MAPK9: variants seen among roughly 807,000 people sequenced by gnomAD.
The protein encoded by MAPK9 is Jun kinase.
Under a neutral mutation model 57.1 loss-of-function variants are expected in MAPK9, and 30 were observed. The observed-to-expected ratio is 0.53, with a 90% CI of 0.39 to 0.71. The LOEUF (loss-of-function observed/expected upper bound fraction) is 0.71, where lower values mean the gene tolerates loss of function less well. Ranked by LOEUF, MAPK9 falls within the 30% of genes least tolerant of loss-of-function variation. The pLI, the probability that MAPK9 is intolerant of heterozygous loss-of-function variation, is 0.00. For missense variants in MAPK9, 362 were observed against 521.0 expected, an observed-to-expected ratio of 0.69 and a Z score of 2.97; for synonymous variants, 155 against 177.0, an observed-to-expected ratio of 0.88 and a Z score of 0.99.
rs559613478 is a variant in MAPK9, at chr5:180,286,639, C to T, written c.-48+5209G>A. On this transcript the variant is annotated intron_variant, in intron 1 of 11. Transcript: ENST00000452135. ...TAGGACCCTGCAAGGATCTCCGTCA[C>T]CAGCCCCACTTCCAGGCACCCAGGC... 1.5e-3 allele frequency among the ~76,000 whole-genome samples: 218 copies of T among 148,970 alleles called. 1 individual carries two copies. Among genetic ancestry groups the T allele is most frequent in the African/African-American group, 3.7e-3 (153 of 40,834 alleles).
At chr5:180,279,537 TCTA>T (rs1232966424) in intron 2 of MAPK9, among the ~76,000 whole-genome samples, 3 of 152,012 alleles carry the variant, frequency 2.0e-5, no homozygotes, top group Admixed American at 2.0e-4. Context: ...ACCCAACATC[TCTA>T]CAAGGAAATG....
intron 2 of MAPK9, among the ~76,000 whole-genome samples, chr5:180,272,823 C>A (rs772967524): frequency 2.0e-5 from 3 of 152,230 alleles, no homozygotes; most frequent in Non-Finnish European, 2.9e-5. Flanking sequence ...AGCTCCGGAT[C>A]CCCTATGCAT....
chr5:180,247,104 C>G lies in MAPK9; in HGVS notation c.688+335G>C, dbSNP rs1311159048. ...AATTAACGGAATAAACTAAATAATA[C>G]AGTATTTTCATTTAAATATCAGAAT... is the stretch of plus-strand genomic sequence containing the variant. On this transcript the variant is annotated intron_variant, in intron 7 of 11. Transcript: ENST00000452135. The surrounding 1 kb of genome is among the most constrained non-coding windows in gnomAD (Gnocchi z 4.5). 1.2e-5 allele frequency: 4 copies of G among 322,422 alleles called. No homozygotes were observed. The highest frequency in any genetic ancestry group is 2.3e-5 in the Non-Finnish European group (4 of 176,988). The allele number at this position is 322,422 out of a possible 1,614,324, so 20.0% of individuals were successfully genotyped here.
intron 5 of MAPK9, among the ~76,000 whole-genome samples, chr5:180,254,058 C>T (rs1248485158): frequency 6.8e-6 from 1 of 147,412 alleles, no homozygotes; most frequent in South Asian, 2.1e-4. Context: ...CCTCCGCTTC[C>T]TGGGTTCAAG....
intron 1 of MAPK9, among the ~76,000 whole-genome samples, chr5:180,285,116 C>A (rs2127629520): frequency 6.6e-6 from 1 of 152,326 alleles, no homozygotes; most frequent in South Asian, 2.1e-4. Flanking sequence ...GCAGATAAGG[C>A]TAGAGGCATG....
chr5:180,244,782 A>AT (rs1468226168), intron 7 of MAPK9, among the ~76,000 whole-genome samples: 3 of 145,814 alleles, frequency 2.1e-5, no homozygotes, highest in African/African-American at 7.9e-5. Flanking sequence ...TCAAAGGAAA[A>AT]AAAAAAAAAA....
chr5:180,235,847 GAATA>G lies in MAPK9; in HGVS notation c.*533_*536del, dbSNP rs1464693650. 1 of 152,504 alleles carries G rather than the reference GAATA, an allele frequency of 6.6e-6. No individual in the cohort carries two copies. Among genetic ancestry groups the G allele is most frequent in the Non-Finnish European group, 1.5e-5 (1 of 68,022 alleles). The allele number at this position is 152,504 out of a possible 1,614,324, so 9.4% of individuals were successfully genotyped here. ...TATGTCTTCTGAAATACAAAAGATAGAATAAATCATAGCATAAAAGGGAATAAGA... is the reference window on the plus strand; with the variant it reads ...TATGTCTTCTGAAATACAAAAGATAGAATCATAGCATAAAAGGGAATAAGA... On this transcript the variant is annotated 3_prime_UTR_variant, in exon 12 of 12. Coordinates refer to ENST00000452135, the MANE Select transcript of MAPK9 (RefSeq NM_002752.5).
intron 2 of MAPK9, among the ~76,000 whole-genome samples, chr5:180,279,207 T>C (rs1762096003): frequency 2.0e-5 from 3 of 152,258 alleles, no homozygotes; most frequent in Admixed American, 6.5e-5. Flanking sequence ...CTGCCCAGCT[T>C]GGCCTCCCAA....
At position 180,291,293 on chromosome 5, in the gene MAPK9, G is replaced by C. The variant is rs565988124; in HGVS notation, c.-48+555C>G. On this transcript the variant is annotated intron_variant, in intron 1 of 11. Transcript: ENST00000452135. ...TGTGCAATGACAAGGCAAGAGAGGAGTGCGCGGGGAGGCGGGAGGCTGGGC... is the reference window on the plus strand; with the variant it reads ...TGTGCAATGACAAGGCAAGAGAGGACTGCGCGGGGAGGCGGGAGGCTGGGC... 9.6e-4 allele frequency among the ~76,000 whole-genome samples: 144 copies of C among 150,042 alleles called. No individual in the cohort carries two copies. In the Middle Eastern group the frequency reaches 0.021, roughly 22 times the overall value.
chr5:180,276,595 C>A (rs1200732667), intron 2 of MAPK9, among the ~76,000 whole-genome samples: 2 of 152,202 alleles, frequency 1.3e-5, no homozygotes, highest in African/African-American at 4.8e-5. Context: ...GTGGCTCATG[C>A]CTGCAATCCC....
chr5:180,251,858 C>T (rs753595146), intron 5 of MAPK9, among the ~76,000 whole-genome samples: 5 of 152,124 alleles, frequency 3.3e-5, no homozygotes, highest in Non-Finnish European at 7.4e-5. Flanking sequence ...CCCCACTGCC[C>T]GCTCAACTCT....
At chr5:180,257,817 T>A (rs952050747) in intron 5 of MAPK9, 5 of 169,824 alleles carry the variant, frequency 2.9e-5, no homozygotes, top group Non-Finnish European at 6.5e-5. Flanking sequence ...AGATTCCAAA[T>A]CTGAACCTGA....
intron 4 of MAPK9, among the ~76,000 whole-genome samples, chr5:180,263,693 G>A (rs1009439226): frequency 6.9e-6 from 1 of 144,160 alleles, no homozygotes; most frequent in Non-Finnish European, 1.5e-5. Flanking sequence ...CAAAGTATCT[G>A]CGGCACCAAA....
intron 11 of MAPK9, 175 bp from the exon 12 acceptor site, chr5:180,236,701 C>G: frequency 1.8e-6 from 1 of 552,458 alleles, no homozygotes; most frequent in East Asian, 3.1e-5. Context: ...TTGAGTCTTT[C>G]TTTGGGCCAA....
At chr5:180,248,887 G>T in intron 6 of MAPK9, 86 bp downstream of exon 6, 1 of 1,425,598 alleles carries the variant, frequency 7.0e-7, no homozygotes, top group South Asian at 1.4e-5. Flanking sequence ...TATATCATAT[G>T]GTTCAAAGGA....
intron 5 of MAPK9, among the ~76,000 whole-genome samples, chr5:180,256,519 G>C (rs1055992309): frequency 6.6e-6 from 1 of 152,208 alleles, no homozygotes; most frequent in Non-Finnish European, 1.5e-5. Flanking sequence ...GATGTGGGGA[G>C]AGCCTGGCAA....
chr5:180,291,961 CCGCTCCGCCCCG>C lies in MAPK9; in HGVS notation c.-173_-162del, dbSNP rs1423355022. On this transcript the variant is annotated 5_prime_UTR_variant, in exon 1 of 12. Transcript: ENST00000452135. The stretch of plus-strand genomic sequence containing the variant: ...GGCTCCGCCGCCGGCCCGCCCCGCT[CCGCTCCGCCCCG>C]CCGCCGCCGCCGCCGCCGCCGCCGC... 2 of 125,140 alleles carry C rather than the reference CCGCTCCGCCCCG, an allele frequency of 1.6e-5. No individual in the cohort carries two copies. The highest frequency in any genetic ancestry group is 8.6e-5 in the Admixed American group (1 of 11,670). 7.8% of individuals were successfully genotyped at this position (125,140 alleles called of 1,614,324 possible).
intron 6 of MAPK9, among the ~76,000 whole-genome samples, chr5:180,248,256 A>C (rs114648511): frequency 0.013 from 1,963 of 152,316 alleles, 41 homozygotes; most frequent in African/African-American, 0.044. Context: ...CGAGGGGAGA[A>C]GTGAACAGGG....
intron 5 of MAPK9, among the ~76,000 whole-genome samples, chr5:180,259,285 C>G (rs1434792969): frequency 5.3e-5 from 8 of 151,726 alleles, no homozygotes; most frequent in Non-Finnish European, 1.2e-4. Context: ...GGAGAGGAAC[C>G]CTTTGACTGT....
Sources: allele counts gnomAD v4.1 joint callset (sites outside exome capture counted in the v4.1 genomes callset), GRCh38; gene constraint gnomAD v4.1.1; non-coding constraint Gnocchi (gnomAD v3.1); transcripts MANE v1.5; gene names NCBI Gene and HGNC (gene_info 2026-07-23, HGNC 2026-07-21).